The following A4GALT variants were observed in gnomAD, a reference collection of about 807,000 sequenced individuals.
The protein encoded by A4GALT is lactosylceramide 4-alpha-galactosyltransferase.
For synonymous variants in A4GALT, 257 were observed against 220.7 expected (o/e 1.16, Z -1.46); for missense variants, 512 against 486.0 (o/e 1.05, Z -0.50).
intron 1 of A4GALT, among the ~76,000 whole-genome samples, chr22:42,713,811 A>AC (rs1921906930): frequency 2.2e-5 from 1 of 44,908 alleles, no homozygotes; most frequent in African/African-American, 2.6e-4. Context: ...AAACTCTGTC[A>AC]AAAAAAAAAA....
Position 42,693,988 on chromosome 22 carries a change from A to G in A4GALT, c.-37T>C, listed in dbSNP as rs779601901. ...ATCAGACCAGGAGCTTCCAGCAGGA[A>G]CCGGCTGGTCTGCAAGAGATGAGCA... is the stretch of plus-strand genomic sequence containing the variant. On this transcript the variant is annotated 5_prime_UTR_variant, in exon 3 of 3. Transcript: ENST00000642412. 4 of 1,539,496 alleles carry G rather than the reference A, an allele frequency of 2.6e-6. No homozygotes were observed. The African/African-American group carries it at 4.1e-5, about 16-fold the overall frequency.
chr22:42,701,412 A>G (rs984327296), intron 1 of A4GALT, among the ~76,000 whole-genome samples: 1 of 152,162 alleles, frequency 6.6e-6, no homozygotes, highest in Non-Finnish European at 1.5e-5. Context: ...GTAGAAAGGA[A>G]ACTTCTCCCA....
chr22:42,703,501 G>A (rs1254790610), intron 1 of A4GALT, among the ~76,000 whole-genome samples: 1 of 151,840 alleles, frequency 6.6e-6, no homozygotes, highest in Admixed American at 6.6e-5. Flanking sequence ...TGATCTACTG[G>A]CCTCGGCCTC....
chr22:42,714,487 A>C (rs1245937919), intron 1 of A4GALT, among the ~76,000 whole-genome samples: 2 of 151,676 alleles, frequency 1.3e-5, no homozygotes, highest in African/African-American at 4.8e-5. Context: ...AGGTAGGAGG[A>C]TGGTTTGCGC....
rs549272383 is a variant in A4GALT at position 42,720,673 on chromosome 22, C to T, written c.-188+124G>A. ...TCGCCTCCAGAACAGGTGGCCCGGG[C>T]TAGGGCGGCGGCCCAGCCCCTCCGC... On this transcript the variant is annotated intron_variant, in intron 1 of 2. Transcript: ENST00000642412. 3.3e-5 allele frequency: 5 copies of T among 152,198 alleles called. No individual in the cohort carries two copies. In the East Asian group the frequency reaches 9.7e-4, roughly 30 times the overall value. The allele number at this position is 152,198 out of a possible 1,614,324, so 9.4% of individuals were successfully genotyped here.
At chr22:42,711,290 A>T (rs1029261581) in intron 1 of A4GALT, among the ~76,000 whole-genome samples, 7 of 152,214 alleles carry the variant, frequency 4.6e-5, no homozygotes, top group Non-Finnish European at 1.0e-4. Flanking sequence ...CAAAAATCCA[A>T]AACACTTAAC....
At position 42,703,057 on chromosome 22, in the gene A4GALT, C is replaced by CTCTGTG. The variant is rs753250465; in HGVS notation, c.-187-7427_-187-7426insCACAGA. ...GCCTTGGCTGGCACATGCTGCCCTGCTGTGTGTGTGTGTGTGTGTGTGTGT... is the reference window on the plus strand; with the variant it reads ...GCCTTGGCTGGCACATGCTGCCCTGCTCTGTGTGTGTGTGTGTGTGTGTGTGTGTGT... On this transcript the variant is annotated intron_variant, in intron 1 of 2. Transcript: ENST00000642412. Among the ~76,000 whole-genome samples the CTCTGTG allele has an allele frequency of 1.2e-3, 160 of 134,410 alleles. 17 individuals are homozygous for CTCTGTG. Among genetic ancestry groups the CTCTGTG allele is most frequent in the African/African-American group, 5.0e-3 (156 of 31,024 alleles). 88.2% of individuals were successfully genotyped at this position (134,410 alleles called of 152,430 possible). A position where few individuals can be genotyped will look rare whatever the true frequency, so the allele number is the denominator to read the frequency against.
chr22:42,705,111 G>C (rs1026828789), intron 1 of A4GALT, among the ~76,000 whole-genome samples: 2 of 152,070 alleles, frequency 1.3e-5, no homozygotes, highest in Admixed American at 6.6e-5. Flanking sequence ...CAACAGAGGA[G>C]GGAGCCTTTC....
At chr22:42,720,235 G>C (rs1418780937) in intron 1 of A4GALT, among the ~76,000 whole-genome samples, 1 of 79,944 alleles carries the variant, frequency 1.3e-5, no homozygotes, top group African/African-American at 4.5e-5. Context: ...TTCCCGCACG[G>C]GGAGGGCCCT....
chr22:42,701,895 A>T (rs1314972628), intron 1 of A4GALT, among the ~76,000 whole-genome samples: 1 of 152,142 alleles, frequency 6.6e-6, no homozygotes, highest in African/African-American at 2.4e-5. Flanking sequence ...CCCACGTGAC[A>T]CTGTCATGAC....
At chr22:42,717,864 A>C (rs1041668996) in intron 1 of A4GALT, among the ~76,000 whole-genome samples, 1 of 152,164 alleles carries the variant, frequency 6.6e-6, no homozygotes, top group Non-Finnish European at 1.5e-5. Context: ...AACCTTACTG[A>C]TGAGCTCAAA....
intron 1 of A4GALT, among the ~76,000 whole-genome samples, chr22:42,716,451 C>T (rs1033606168): frequency 3.9e-5 from 6 of 152,158 alleles, no homozygotes; most frequent in African/African-American, 1.4e-4. Flanking sequence ...CATGTGCAGC[C>T]GTTGGTCAAA....
At chr22:42,705,531 A>T (rs1314310551) in intron 1 of A4GALT, among the ~76,000 whole-genome samples, 1 of 119,094 alleles carries the variant, frequency 8.4e-6, no homozygotes, top group Admixed American at 8.7e-5. Context: ...TGAACCCAGG[A>T]GGTAGAGGCT....
intron 1 of A4GALT, among the ~76,000 whole-genome samples, chr22:42,714,273 T>A (rs1921959343): frequency 7.5e-5 from 1 of 13,306 alleles, no homozygotes; most frequent in Admixed American, 1.3e-3. Flanking sequence ...AGACTCTGTC[T>A]CAAAAAAAAA....
chr22:42,706,350 ATC>A lies in A4GALT; in HGVS notation c.-187-10721_-187-10720del, dbSNP rs1491301166. Among the ~76,000 whole-genome samples the A allele has an allele frequency of 3.5e-3, 247 of 70,308 alleles. 6 individuals are homozygous for A. Among genetic ancestry groups the A allele is most frequent in the African/African-American group, 0.016 (234 of 14,878 alleles). 46.1% of individuals were successfully genotyped at this position (70,308 alleles called of 152,430 possible). On this transcript the variant is annotated intron_variant, in intron 1 of 2. Coordinates refer to ENST00000642412, the MANE Select transcript of A4GALT (RefSeq NM_017436.7). ...AGCCTGGGTGACAGAGCGAGACTCC[ATC>A]CCAAAAAAAAAAAAAAAAAAAAAAA... is the stretch of plus-strand genomic sequence containing the variant.
At chr22:42,721,214 T>A (rs1202018079), upstream of A4GALT, 3 of 152,074 alleles carry the variant, frequency 2.0e-5, no homozygotes, top group Non-Finnish European at 4.4e-5. Flanking sequence ...GGGACCCGGG[T>A]CGGCCTGATC....
At chr22:42,716,485 C>T (rs1288579939) in intron 1 of A4GALT, among the ~76,000 whole-genome samples, 1 of 152,168 alleles carries the variant, frequency 6.6e-6, no homozygotes, top group Non-Finnish European at 1.5e-5. Flanking sequence ...TTGACTTGTT[C>T]AATCCCTCAC....
chr22:42,713,533 C>G (rs561162717), intron 1 of A4GALT, among the ~76,000 whole-genome samples: 1 of 152,282 alleles, frequency 6.6e-6, no homozygotes, highest in East Asian at 1.9e-4. Flanking sequence ...AGGTGCTGGC[C>G]GGGCACAGTG....
At chr22:42,715,689 A>G (rs997132183) in intron 1 of A4GALT, among the ~76,000 whole-genome samples, 1 of 152,056 alleles carries the variant, frequency 6.6e-6, no homozygotes, top group Non-Finnish European at 1.5e-5. Flanking sequence ...ACTCCAGCCT[A>G]GACAACAGAG....
Sources: allele counts gnomAD v4.1 joint callset (sites outside exome capture counted in the v4.1 genomes callset), GRCh38; gene constraint gnomAD v4.1.1; transcripts MANE v1.5; gene names NCBI Gene and HGNC (gene_info 2026-07-23, HGNC 2026-07-21).